Variants in UBE2E3 observed in about 807,000 individuals in gnomAD.
UBE2E3 encodes the protein ubiquitin conjugating enzyme E2 E3.
UBE2E3 carries 5 observed loss-of-function variants against 23.6 expected under a neutral mutation model. That is an observed-to-expected ratio of 0.21 (90% CI 0.11 to 0.44). The LOEUF (loss-of-function observed/expected upper bound fraction) is 0.44. Among genes scored for constraint, UBE2E3 ranks in the 20% least tolerant of loss-of-function variants. UBE2E3 has a pLI of 0.99. For synonymous variants in UBE2E3, 78 were observed against 87.5 expected (o/e 0.89, Z 0.60); for missense variants, 81 against 249.8 (o/e 0.32, Z 4.55).
At chr2:181,060,569 TATC>T in intron 4 of UBE2E3, 93 bp from the exon 5 acceptor site, 2 of 1,126,334 alleles carry the variant, frequency 1.8e-6, no homozygotes, top group South Asian at 2.4e-5. Flanking sequence ...AATAATTTAG[TATC>T]ATCTATGATA....
chr2:181,031,196 G>A (rs984000426), intron 3 of UBE2E3, among the ~76,000 whole-genome samples: 2 of 152,046 alleles, frequency 1.3e-5, no homozygotes, highest in African/African-American at 2.4e-5. Context: ...CATATGTCCA[G>A]TGTGCTTGAG....
At chr2:181,018,678 T>G (rs1685576320) in intron 3 of UBE2E3, among the ~76,000 whole-genome samples, 1 of 151,690 alleles carries the variant, frequency 6.6e-6, no homozygotes, top group African/African-American at 2.4e-5. Flanking sequence ...GAGTTAGGGT[T>G]TCTTCCTCAC....
At chr2:181,027,022 G>A (rs1448211969) in intron 3 of UBE2E3, among the ~76,000 whole-genome samples, 1 of 151,822 alleles carries the variant, frequency 6.6e-6, no homozygotes, top group Non-Finnish European at 1.5e-5. Context: ...AAAAAAATTT[G>A]TGCAGAGAAT....
intron 3 of UBE2E3, among the ~76,000 whole-genome samples, chr2:181,041,432 T>C (rs890071162): frequency 6.8e-6 from 1 of 147,236 alleles, no homozygotes; most frequent in Non-Finnish European, 1.5e-5. Flanking sequence ...CTGTGAGCAG[T>C]GTGCAACATA....
At chr2:181,043,726 A>G (rs764051704) in intron 3 of UBE2E3, among the ~76,000 whole-genome samples, 1 of 152,182 alleles carries the variant, frequency 6.6e-6, no homozygotes, top group Non-Finnish European at 1.5e-5. Context: ...TAAAATACAC[A>G]TACTGTATAC....
chr2:181,021,193 ATTGTGATGT>A (rs894845107), intron 3 of UBE2E3, among the ~76,000 whole-genome samples: 7 of 152,152 alleles, frequency 4.6e-5, no homozygotes, highest in African/African-American at 1.7e-4. Flanking sequence ...ATTAGTCAGG[ATTGTGATGT>A]TTTTGCTGAC....
intron 3 of UBE2E3, among the ~76,000 whole-genome samples, chr2:181,000,556 C>CTTT (rs112131285): frequency 7.2e-6 from 1 of 138,600 alleles, no homozygotes; most frequent in African/African-American, 2.7e-5. Flanking sequence ...AAAGAATAAC[C>CTTT]TTTTTTTTTT....
chr2:180,993,689 G>T (rs1215767723), intron 3 of UBE2E3, among the ~76,000 whole-genome samples: 1 of 151,938 alleles, frequency 6.6e-6, no homozygotes, highest in Non-Finnish European at 1.5e-5. Flanking sequence ...AGTCTTATAG[G>T]TCCTTTACAA....
chr2:181,025,498 T>C (rs1429283890), intron 3 of UBE2E3, among the ~76,000 whole-genome samples: 2 of 58,278 alleles, frequency 3.4e-5, no homozygotes, highest in African/African-American at 8.1e-5. Context: ...TATACAGGTA[T>C]ATTTGGGATA....
At chr2:181,012,618 C>T (rs1027389909) in intron 3 of UBE2E3, among the ~76,000 whole-genome samples, 29 of 152,108 alleles carry the variant, frequency 1.9e-4, no homozygotes, top group African/African-American at 6.0e-4. Context: ...TCTATGAAGC[C>T]GGTTTGGAAT....
chr2:181,062,733 A>G, intron 5 of UBE2E3, 58 bp from the exon 6 acceptor site: 1 of 996,464 alleles, frequency 1.0e-6, no homozygotes, highest in Non-Finnish European at 1.5e-6. Flanking sequence ...GAATATTAGA[A>G]CTATACCTTG....
chr2:181,001,059 T>C (rs1279658195), intron 3 of UBE2E3, among the ~76,000 whole-genome samples: 2 of 152,318 alleles, frequency 1.3e-5, no homozygotes, highest in Non-Finnish European at 1.5e-5. Context: ...ACACTGACTC[T>C]TAAAGAGGCA....
intron 3 of UBE2E3, among the ~76,000 whole-genome samples, chr2:181,030,076 C>G (rs748095986): frequency 3.3e-5 from 5 of 152,066 alleles, no homozygotes; most frequent in Admixed American, 6.6e-5. Context: ...TCATGATCCA[C>G]CTGCTTCGGC....
chr2:180,990,079 A>G, intron 3 of UBE2E3: 1 of 1,152,490 alleles, frequency 8.7e-7, no homozygotes, highest in Non-Finnish European at 1.2e-6. Context: ...TTTAATTGGA[A>G]TCTGGAAGCT....
intron 3 of UBE2E3, among the ~76,000 whole-genome samples, chr2:180,993,496 C>A (rs1266464354): frequency 3.9e-5 from 6 of 152,088 alleles, no homozygotes; most frequent in Non-Finnish European, 7.4e-5. Context: ...GAGTATAGTT[C>A]CACATCTTTT....
chr2:181,000,684 A>G (rs148220686), intron 3 of UBE2E3, among the ~76,000 whole-genome samples: 3,215 of 151,562 alleles, frequency 0.021, 52 homozygotes, highest in South Asian at 0.064. Context: ...CCTCCTGAGT[A>G]GCTGGGACTA....
At chr2:180,994,730 A>G (rs553876582) in intron 3 of UBE2E3, among the ~76,000 whole-genome samples, 4 of 152,336 alleles carry the variant, frequency 2.6e-5, no homozygotes, top group African/African-American at 9.6e-5. Context: ...AATTTGAAAG[A>G]AACTTGCAGG....
At chr2:181,022,614 C>G (rs1404961175) in intron 3 of UBE2E3, among the ~76,000 whole-genome samples, 3 of 151,736 alleles carry the variant, frequency 2.0e-5, no homozygotes, top group Non-Finnish European at 4.4e-5. Flanking sequence ...CCTTCTTGCA[C>G]TTAGAAACAC....
chr2:181,027,405 C>A (rs1363505046), intron 3 of UBE2E3, among the ~76,000 whole-genome samples: 2 of 151,752 alleles, frequency 1.3e-5, no homozygotes, highest in Admixed American at 1.3e-4. Context: ...CATAGTTAAT[C>A]ATAATTAAAA....
Sources: gnomAD v4.1 joint callset for allele counts (sites outside exome capture counted in the v4.1 genomes callset) on GRCh38, gnomAD v4.1.1 for gene constraint, MANE v1.5 for transcripts, NCBI Gene and HGNC (gene_info 2026-07-23, HGNC 2026-07-21) for gene names.